Variants in OTP observed in about 807,000 individuals in gnomAD.
OTP encodes homeobox protein orthopedia.
In OTP, 5 loss-of-function variants were observed where a neutral mutation model predicts 22.3. The ratio of observed to expected loss-of-function variants is 0.22; its 90% confidence interval spans 0.12 to 0.47. The LOEUF is 0.47. Ranked by LOEUF, OTP falls within the 20% of genes least tolerant of loss-of-function variation. OTP has a pLI of 0.99. For synonymous variants in OTP, 229 were observed against 210.6 expected, an observed-to-expected ratio of 1.09 and a Z score of -0.76; for missense variants, 428 against 456.2, an observed-to-expected ratio of 0.94 and a Z score of 0.56.
intron 1 of OTP, among the ~76,000 whole-genome samples, chr5:77,637,503 G>A (rs1745028874): frequency 6.6e-6 from 1 of 152,160 alleles, no homozygotes; most frequent in Non-Finnish European, 1.5e-5. Context: ...TCCCAGTCCC[G>A]GCAATAAAAC....
chr5:77,630,669 AGCG>A lies in OTP; in HGVS notation c.570_572del (p.Ala194del). On this transcript the variant is annotated inframe_deletion, in exon 3 of 3. Transcript: ENST00000306422. ...ACAGGCTGTCGCCCATGGCGGCGGCAGCGGCGGCGGCAGCCGACGGGAACTGAG... is the reference window on the plus strand; with the variant it reads ...ACAGGCTGTCGCCCATGGCGGCGGCAGCGGCGGCAGCCGACGGGAACTGAG... 6.3e-7 allele frequency: 1 copy of A among 1,579,348 alleles called. No homozygotes were observed. Among genetic ancestry groups the A allele is most frequent in the Non-Finnish European group, 8.5e-7 (1 of 1,170,720 alleles).
In OTP at chr5:77,630,502, G is replaced by C. The variant is rs956277411; in HGVS notation, c.740C>G (p.Pro247Arg). The change falls in exon 3 of 3, where the codon CCC becomes CGC. Residue 247 changes from proline to arginine, a missense_variant. Pro to Arg is a moderately radical substitution (Grantham distance 103). Transcript: ENST00000306422. ...SQCSLAAGPP[P>R]NSMGLSNSLA... The stretch of plus-strand genomic sequence containing the variant: ...GCTGTTGGACAGGCCCATGGAGTTG[G>C]GCGGCGGACCGGCCGCCAGGCTGCA... The C allele has an allele frequency of 8.8e-6, 14 of 1,593,152 alleles. No individual in the cohort carries two copies. The highest frequency in any genetic ancestry group is 1.0e-5 in the Non-Finnish European group (12 of 1,172,094).
At position 77,638,566 on chromosome 5, in the gene OTP, G is replaced by A; in HGVS notation, c.-17C>T. ...AGACAGCATCGCGCACCGCTCCAGG[G>A]CGAAAGCTGTTCCCCCCCAAATTTT... On this transcript the variant is annotated 5_prime_UTR_variant, in exon 1 of 3. Coordinates refer to ENST00000306422, the MANE Select transcript of OTP (RefSeq NM_032109.3). The A allele has an allele frequency of 1.9e-6, 3 of 1,555,102 alleles. No homozygotes were observed. The highest frequency in any genetic ancestry group is 1.7e-6 in the Non-Finnish European group (2 of 1,156,072).
chr5:77,638,438 G>C, intron 1 of OTP, 75 bp downstream of exon 1: 5 of 1,419,042 alleles, frequency 3.5e-6, no homozygotes, highest in Non-Finnish European at 4.9e-6. Flanking sequence ...GTCGCATTAA[G>C]GTAAAATAAG....
In OTP at chr5:77,630,683, C is replaced by T; in HGVS notation, c.559G>A (p.Ala187Thr). 6.3e-7 allele frequency: 1 copy of T among 1,579,898 alleles called. No homozygotes were observed. Residue 187 changes from alanine (A) to threonine (T), a missense_variant, in exon 3 of 3, where the codon GCT (alanine) becomes ACT (threonine). Ala to Thr is a moderately conservative substitution (Grantham distance 58). Coordinates refer to ENST00000306422, the MANE Select transcript of OTP (RefSeq NM_032109.3). The stretch of plus-strand genomic sequence containing the variant: ...ATGGCGGCGGCAGCGGCGGCGGCAG[C>T]CGACGGGAACTGAGGCAGGCCTGGC... ...PTPGLPQFPS[A>T]AAAAAAAMGD...
intron 2 of OTP, 135 bp from the exon 3 acceptor site, chr5:77,630,929 A>C: frequency 9.9e-7 from 1 of 1,013,342 alleles, no homozygotes. Context: ...CGTAGGCCCG[A>C]CAAGCCCCCA....
At chr5:77,631,685 C>T (rs1744934140) in intron 2 of OTP, among the ~76,000 whole-genome samples, 1 of 151,742 alleles carries the variant, frequency 6.6e-6, no homozygotes. Flanking sequence ...CTGCCTCAGC[C>T]TCCCGAGTAG....
In OTP at chr5:77,636,929, G is replaced by T; in HGVS notation, c.339C>A (p.Pro113=). 6.2e-7 allele frequency: 1 copy of T among 1,614,206 alleles called. No homozygotes were observed. Among genetic ancestry groups the T allele is most frequent in the Non-Finnish European group, 8.5e-7 (1 of 1,180,016 alleles). The part of the protein sequence containing the change: ...KQKRHRTRFT[P]AQLNELERSF... Reference sequence around the variant, plus strand: ...TCCTCTCCAACTCGTTGAGCTGTGCGGGGGTGAAGCGCGTCCGGTGGCGCT... The same window carrying T: ...TCCTCTCCAACTCGTTGAGCTGTGCTGGGGTGAAGCGCGTCCGGTGGCGCT... The change falls in exon 2 of 3, where the codon CCC becomes CCA. Residue 113 remains proline, a synonymous_variant. Transcript: ENST00000306422.
At position 77,638,678 on chromosome 5, in the gene OTP, GTT is replaced by G; in HGVS notation, c.-131_-130del. On this transcript the variant is annotated 5_prime_UTR_variant, in exon 1 of 3. It introduces an in-frame stop codon into an upstream open reading frame of the 5' UTR. Coordinates refer to ENST00000306422, the MANE Select transcript of OTP (RefSeq NM_032109.3). ...GATCACCTAAATGAAAGAAAATTCGGTTTGTGGTTAAAAAGGGGGCTTCTTGC... is the reference window on the plus strand; with the variant it reads ...GATCACCTAAATGAAAGAAAATTCGGTGTGGTTAAAAAGGGGGCTTCTTGC... 1 of 921,912 alleles carries G rather than the reference GTT, an allele frequency of 1.1e-6. No individual in the cohort carries two copies. The highest frequency in any genetic ancestry group is 2.4e-5 in the South Asian group (1 of 41,374). 57.1% of individuals were successfully genotyped at this position (921,912 alleles called of 1,614,324 possible). A position where few individuals can be genotyped will look rare whatever the true frequency, so the allele number is the denominator to read the frequency against.
intron 2 of OTP, among the ~76,000 whole-genome samples, chr5:77,633,522 C>T (rs1243766019): frequency 6.6e-6 from 1 of 152,114 alleles, no homozygotes; most frequent in African/African-American, 2.4e-5. Flanking sequence ...CAGATGACAA[C>T]TCCAGGAAAT....
chr5:77,637,008 T>C lies in OTP; in HGVS notation c.260A>G (p.Gln87Arg), dbSNP rs1745017418. The C allele has an allele frequency of 5.0e-6, 8 of 1,613,068 alleles. No homozygotes were observed. The highest frequency in any genetic ancestry group is 6.8e-6 in the Non-Finnish European group (8 of 1,179,714). The change falls in exon 2 of 3, where the codon CAG becomes CGG. Residue 87 changes from glutamine to arginine, a missense_variant. By Grantham distance (43) the Gln-to-Arg change is conservative. Around this residue, in one of 3 missense-constraint regions of OTP, gnomAD observed 176 missense variants for 162.9 expected, o/e 1.08. Transcript: ENST00000306422. ...GGCTTGGCTGGGGTTCGGGCCGCCC[T>C]GGGGCCCGGGCTGCTTGTCCGGGTC... ...AKDPDKQPGP[Q>R]GGPNPSQAGQ...
At position 77,637,250 on chromosome 5, in the gene OTP, G is replaced by A. The variant is rs1175556678; in HGVS notation, c.38-20C>T. ...TCATACCTGAGGAGGCAAGGGGATC[G>A]CGGTCACTACTTTCTTGGCGATGCC... On this transcript the variant is annotated intron_variant, in intron 1 of 2. Coordinates refer to ENST00000306422, the MANE Select transcript of OTP (RefSeq NM_032109.3). The A allele has an allele frequency of 4.1e-6, 6 of 1,472,584 alleles. No individual in the cohort carries two copies. Among genetic ancestry groups the A allele is most frequent in the African/African-American group, 2.8e-5 (2 of 70,744 alleles). 91.2% of individuals were successfully genotyped at this position (1,472,584 alleles called of 1,614,324 possible).
rs1561244784 is a variant in OTP at position 77,629,530 on chromosome 5, A to AT, written c.*733dup. The stretch of plus-strand genomic sequence containing the variant: ...GGAGAGTACAAGGATAAATCAAATC[A>AT]TATCAGTTGGGCCCTCAGATGAGGC... On this transcript the variant is annotated 3_prime_UTR_variant, in exon 3 of 3. Coordinates refer to ENST00000306422, the MANE Select transcript of OTP (RefSeq NM_032109.3). The AT allele has an allele frequency of 6.5e-6, 1 of 152,738 alleles. No homozygotes were observed. The highest frequency in any genetic ancestry group is 1.9e-4 in the East Asian group (1 of 5,194). The allele number at this position is 152,738 out of a possible 1,614,324, so 9.5% of individuals were successfully genotyped here.
chr5:77,633,292 G>A (rs1429780172), intron 2 of OTP, among the ~76,000 whole-genome samples: 1 of 152,092 alleles, frequency 6.6e-6, no homozygotes, highest in Non-Finnish European at 1.5e-5. Flanking sequence ...TCGGAAAATC[G>A]TGCTCAATTA....
intron 1 of OTP, among the ~76,000 whole-genome samples, chr5:77,638,193 G>A (rs1745038885): frequency 7.9e-6 from 1 of 127,340 alleles, no homozygotes. Context: ...AACAGGAGAG[G>A]GAAAAAAGAG....
chr5:77,634,772 T>C (rs1364215839), intron 2 of OTP, among the ~76,000 whole-genome samples: 1 of 152,238 alleles, frequency 6.6e-6, no homozygotes, highest in African/African-American at 2.4e-5. Context: ...TTGATCTGAT[T>C]ACTTTTTAAA....
Position 77,630,197 on chromosome 5 carries a change from G to T in OTP, c.*67C>A, listed in dbSNP as rs978234545. On this transcript the variant is annotated 3_prime_UTR_variant, in exon 3 of 3. Coordinates refer to ENST00000306422, the MANE Select transcript of OTP (RefSeq NM_032109.3). The stretch of plus-strand genomic sequence containing the variant: ...GCAGGGCGCCGGGGTCCGGGTGCGC[G>T]CCGGAAGGGCCTCGGGGCGGCCCCC... 7.1e-6 allele frequency: 8 copies of T among 1,133,332 alleles called. No homozygotes were observed. Among genetic ancestry groups the T allele is most frequent in the Middle Eastern group, 3.2e-4 (1 of 3,154 alleles). 70.2% of individuals were successfully genotyped at this position (1,133,332 alleles called of 1,614,324 possible). A position where few individuals can be genotyped will look rare whatever the true frequency, so the allele number is the denominator to read the frequency against.
In OTP at chr5:77,629,673, C is replaced by G. The variant is rs1744887555; in HGVS notation, c.*591G>C. On this transcript the variant is annotated 3_prime_UTR_variant, in exon 3 of 3. Coordinates refer to ENST00000306422, the MANE Select transcript of OTP (RefSeq NM_032109.3). ...GTCTGTGCGCGCGCGTGTGTAGCGT[C>G]TGAGCGTGAGCGAGAGTGCGAGTGT... 1 of 153,118 alleles carries G rather than the reference C, an allele frequency of 6.5e-6. No homozygotes were observed. Among genetic ancestry groups the G allele is most frequent in the South Asian group, 2.1e-4 (1 of 4,836 alleles). The allele number at this position is 153,118 out of a possible 1,614,324, so 9.5% of individuals were successfully genotyped here. A position where few individuals can be genotyped will look rare whatever the true frequency, so the allele number is the denominator to read the frequency against.
At position 77,637,197 on chromosome 5, in the gene OTP, C is replaced by T; in HGVS notation, c.71G>A (p.Arg24Gln). 6.5e-7 allele frequency: 1 copy of T among 1,544,264 alleles called. No homozygotes were observed. Among genetic ancestry groups the T allele is most frequent in the Non-Finnish European group, 8.7e-7 (1 of 1,146,594 alleles). Residue 24 changes from arginine (R) to glutamine (Q), a missense_variant, in exon 2 of 3, where the codon CGG becomes CAG. Transcript: ENST00000306422. The part of the protein sequence containing the change: ...MKDAAELLGH[R>Q]EAVKCRLGVG... ...GCCCAGCCTACACTTCACCGCCTCC[C>T]GGTGGCCCAGAAGCTCGGCGGCATC...
Sources: allele counts gnomAD v4.1 joint callset (sites outside exome capture counted in the v4.1 genomes callset), GRCh38; gene constraint gnomAD v4.1.1; regional missense constraint gnomAD v4.1.1; transcripts MANE v1.5; gene names NCBI Gene and HGNC (gene_info 2026-07-23, HGNC 2026-07-21).